Variants in TM4SF4 observed in about 807,000 individuals in gnomAD.
The protein encoded by TM4SF4 is transmembrane 4 L6 family member 4.
In TM4SF4, 24 loss-of-function variants were observed where a neutral mutation model predicts 24.1. That is an observed-to-expected ratio of 1.00 (90% CI 0.72 to 1.40). The LOEUF (loss-of-function observed/expected upper bound fraction) is 1.40. TM4SF4 is among the 40% of genes most tolerant of loss of function. TM4SF4 has a pLI of 0.00. For synonymous variants in TM4SF4, 113 were observed against 97.0 expected, an observed-to-expected ratio of 1.17 and a Z score of -0.97; for missense variants, 254 against 254.2, an observed-to-expected ratio of 1.00 and a Z score of 0.01.
rs552286596 is a variant in TM4SF4 at position 149,474,801 on chromosome 3, C to G, written c.-77C>G. 1.5e-5 allele frequency: 22 copies of G among 1,477,646 alleles called. No homozygotes were observed. The South Asian group carries it at 2.8e-4, about 19-fold the overall frequency. The allele number at this position is 1,477,646 out of a possible 1,614,324, so 91.5% of individuals were successfully genotyped here. A position where few individuals can be genotyped will look rare whatever the true frequency, so the allele number is the denominator to read the frequency against. On this transcript the variant is annotated 5_prime_UTR_variant, in exon 1 of 5. Transcript: ENST00000305354. ...GAGACAATTACAAGGACTCTCTGGC[C>G]AAAAACCCTTGAAGAGGCCCCGTGA...
intron 2 of TM4SF4, among the ~76,000 whole-genome samples, chr3:149,480,921 C>T (rs1197480293): frequency 6.6e-6 from 1 of 151,994 alleles, no homozygotes; most frequent in African/African-American, 2.4e-5. Context: ...AAGAGGTTGG[C>T]GCGATCTCGG....
chr3:149,497,188 T>C (rs1734326741), intron 3 of TM4SF4, among the ~76,000 whole-genome samples: 2 of 152,208 alleles, frequency 1.3e-5, no homozygotes, highest in African/African-American at 2.4e-5. Context: ...ATACTAGCCT[T>C]TATTGAGGAC....
chr3:149,493,532 C>T (rs1734254150), intron 3 of TM4SF4, among the ~76,000 whole-genome samples: 1 of 152,174 alleles, frequency 6.6e-6, no homozygotes, highest in Non-Finnish European at 1.5e-5. Flanking sequence ...CTATGCCAAG[C>T]ACTGTTCAAA....
At chr3:149,480,964 G>A (rs1041414630) in intron 2 of TM4SF4, among the ~76,000 whole-genome samples, 19 of 151,984 alleles carry the variant, frequency 1.3e-4, no homozygotes, top group African/African-American at 3.9e-4. Context: ...GGATTCACGC[G>A]ATTCTCCTGT....
At chr3:149,489,356 A>G (rs905541992) in intron 3 of TM4SF4, among the ~76,000 whole-genome samples, 8 of 152,258 alleles carry the variant, frequency 5.3e-5, no homozygotes, top group Admixed American at 4.6e-4. Context: ...TCAGTGCCAC[A>G]GTAAACATAT....
At chr3:149,475,724 A>T in intron 1 of TM4SF4, 99 bp from the exon 2 acceptor site, 1 of 1,028,456 alleles carries the variant, frequency 9.7e-7, no homozygotes, top group Non-Finnish European at 1.5e-6. Flanking sequence ...TTGGGCCTCC[A>T]AATCCCTCAT....
intron 2 of TM4SF4, among the ~76,000 whole-genome samples, chr3:149,480,066 G>C (rs1734007237): frequency 6.6e-6 from 1 of 152,168 alleles, no homozygotes; most frequent in Non-Finnish European, 1.5e-5. Flanking sequence ...GAGCTCCAAA[G>C]GCCTGCGCTC....
chr3:149,495,337 G>C, intron 3 of TM4SF4: 1 of 298,642 alleles, frequency 3.3e-6, no homozygotes, highest in Non-Finnish European at 6.9e-6. Flanking sequence ...TGAAGGTCTG[G>C]ACTGTGTCCT....
intron 3 of TM4SF4, among the ~76,000 whole-genome samples, chr3:149,490,536 G>T (rs1307148336): frequency 6.6e-6 from 1 of 152,212 alleles, no homozygotes; most frequent in Non-Finnish European, 1.5e-5. Flanking sequence ...AGTGGCAGAA[G>T]CTCAAATCCA....
chr3:149,487,419 A>G (rs1164794057), intron 2 of TM4SF4, among the ~76,000 whole-genome samples, 200 bp from the exon 3 acceptor site: 2 of 152,180 alleles, frequency 1.3e-5, no homozygotes, highest in Non-Finnish European at 2.9e-5. Context: ...TGAAAAAGAA[A>G]TGGAAATGGG....
At chr3:149,477,030 A>T (rs1733945210) in intron 2 of TM4SF4, among the ~76,000 whole-genome samples, 1 of 151,252 alleles carries the variant, frequency 6.6e-6, no homozygotes, top group Non-Finnish European at 1.5e-5. Flanking sequence ...AAACTCCCGG[A>T]CTCAAGCAAT....
intron 3 of TM4SF4, among the ~76,000 whole-genome samples, chr3:149,493,614 A>T (rs1379072456): frequency 6.6e-6 from 1 of 152,250 alleles, no homozygotes; most frequent in Non-Finnish European, 1.5e-5. Flanking sequence ...GCACTAGAGG[A>T]CCCAGGAAAT....
At chr3:149,489,097 G>A (rs990531975) in intron 3 of TM4SF4, among the ~76,000 whole-genome samples, 27 of 152,310 alleles carry the variant, frequency 1.8e-4, no homozygotes, top group African/African-American at 6.5e-4. Context: ...ACCTTGTGCA[G>A]CGGTTTCCAA....
intron 3 of TM4SF4, among the ~76,000 whole-genome samples, chr3:149,498,001 A>T (rs902754587): frequency 2.0e-5 from 3 of 152,212 alleles, no homozygotes; most frequent in African/African-American, 7.2e-5. Flanking sequence ...AATATATTGC[A>T]GTTTCTCCTA....
chr3:149,476,428 G>T lies in TM4SF4; in HGVS notation c.264+516G>T, dbSNP rs150479130. On this transcript the variant is annotated intron_variant, in intron 2 of 4. Coordinates refer to ENST00000305354, the MANE Select transcript of TM4SF4 (RefSeq NM_004617.4). Reference sequence around the variant, plus strand: ...GCGCCTCTGGCTTCCACCAGGCTCTGCTTCAGGACTTCTGTTTCCTCTCTT... The same window carrying T: ...GCGCCTCTGGCTTCCACCAGGCTCTTCTTCAGGACTTCTGTTTCCTCTCTT... 2.1e-3 allele frequency among the ~76,000 whole-genome samples: 321 copies of T among 152,302 alleles called. 1 individual carries two copies. Among genetic ancestry groups the T allele is most frequent in the Admixed American group, 0.017 (256 of 15,300 alleles).
rs778287290 is a variant in TM4SF4, at chr3:149,475,903, G to A, written c.255G>A (p.Lys85=). 1.7e-5 allele frequency: 27 copies of A among 1,611,606 alleles called. No homozygotes were observed. The highest frequency in any genetic ancestry group is 1.7e-5 in the Admixed American group (1 of 59,702). ...GCTGCGGCAACGAGGGCTGTGGGAA[G>A]CGATTTGCGGTGAGTTACCATGGGG... ...CGCCGNEGCG[K]RFAMFTSTIF... The change falls in exon 2 of 5, where the codon AAG becomes AAA. Residue 85 remains lysine (K), a synonymous_variant. Coordinates refer to ENST00000305354, the MANE Select transcript of TM4SF4 (RefSeq NM_004617.4).
At chr3:149,484,477 G>C (rs926247694) in intron 2 of TM4SF4, among the ~76,000 whole-genome samples, 1 of 152,012 alleles carries the variant, frequency 6.6e-6, no homozygotes, top group South Asian at 2.1e-4. Context: ...TCTGCCTCTC[G>C]GGCTCAAGCG....
intron 3 of TM4SF4, among the ~76,000 whole-genome samples, chr3:149,488,595 T>G (rs543128852): frequency 6.6e-6 from 1 of 152,326 alleles, no homozygotes; most frequent in South Asian, 2.1e-4. Context: ...AAGTTAAAAA[T>G]TCAGTTCCTT....
chr3:149,501,968 A>G (rs1261530964), intron 4 of TM4SF4, among the ~76,000 whole-genome samples: 2 of 152,232 alleles, frequency 1.3e-5, no homozygotes, highest in African/African-American at 2.4e-5. Flanking sequence ...CCTTGTCTGT[A>G]AAATGTGGCT....
Sources: allele counts gnomAD v4.1 joint callset (sites outside exome capture counted in the v4.1 genomes callset), GRCh38; gene constraint gnomAD v4.1.1; transcripts MANE v1.5; gene names NCBI Gene and HGNC (gene_info 2026-07-23, HGNC 2026-07-21).